IGDCC4: variants seen among roughly 807,000 people sequenced by gnomAD.
The protein encoded by IGDCC4 is likely ortholog of mouse neighbor of Punc E11.
In IGDCC4, 72 loss-of-function variants were observed where a neutral mutation model predicts 116.6. That is an observed-to-expected ratio of 0.62 (90% CI 0.51 to 0.75). The LOEUF (loss-of-function observed/expected upper bound fraction) is 0.75. IGDCC4 is among the 30% of genes least tolerant of loss of function. IGDCC4 has a pLI of 0.00. For missense variants in IGDCC4, 1,501 were observed against 1,662.4 expected (o/e 0.90, Z 1.69); for synonymous variants, 709 against 719.9 (o/e 0.98, Z 0.24).
chr15:65,394,621 C>T, intron 8 of IGDCC4, 73 bp from the exon 9 acceptor site: 1 of 1,453,618 alleles, frequency 6.9e-7, no homozygotes, highest in Non-Finnish European at 9.3e-7. Flanking sequence ...CGGTCAGAGA[C>T]TTGCCTGGGT....
Position 65,394,447 on chromosome 15 carries a change from C to A in IGDCC4, c.1678G>T (p.Val560Leu). The A allele has an allele frequency of 6.2e-7, 1 of 1,614,102 alleles. No homozygotes were observed. The highest frequency in any genetic ancestry group is 8.5e-7 in the Non-Finnish European group (1 of 1,180,004). The change falls in exon 9 of 20, where the codon GTG (valine) becomes TTG (leucine). Residue 560 changes from valine (V) to leucine (L), a missense_variant. This residue lies in a region of IGDCC4 where 898 missense variants were observed against 978.9 expected (regional missense o/e 0.92). Transcript: ENST00000352385. ...AAACCGTATTCTATCTTGTACTTCACCACCTGCCCATTGCTCAGGCTGGGG... is the reference window on the plus strand; with the variant it reads ...AAACCGTATTCTATCTTGTACTTCAACACCTGCCCATTGCTCAGGCTGGGG... ...LPPSLSNGQV[V>L]KYKIEYGLGK... is the part of the protein sequence containing the mutation.
rs1354092246 is a variant in IGDCC4, at chr15:65,410,273, C to G, written c.468G>C (p.Glu156Asp). Reference sequence around the variant, plus strand: ...GGCACTCAAAGCGAGCTGTCCCGTTCTCCTCCACCGTCTGAGACTCCGGGT... The same window carrying G: ...GGCACTCAAAGCGAGCTGTCCCGTTGTCCTCCACCGTCTGAGACTCCGGGT... ...SLHPESQTVE[E>D]NGTARFECHI... Residue 156 changes from glutamate (E) to aspartate (D), a missense_variant, in exon 3 of 20, where the codon GAG becomes GAC. Coordinates refer to ENST00000352385, the MANE Select transcript of IGDCC4 (RefSeq NM_020962.3). 2 of 1,614,076 alleles carry G rather than the reference C, an allele frequency of 1.2e-6. No homozygotes were observed. The highest frequency in any genetic ancestry group is 2.2e-5 in the South Asian group (2 of 91,076).
At chr15:65,398,533 C>CAAAAAAAAAAAAAAAA (rs3082803) in intron 5 of IGDCC4, among the ~76,000 whole-genome samples, 2 of 77,630 alleles carry the variant, frequency 2.6e-5, no homozygotes, top group Non-Finnish European at 5.1e-5. Context: ...AACTCCATCT[C>CAAAAAAAAAAAAAAAA]AAAAAAAAAA....
In IGDCC4 at chr15:65,392,168, C is replaced by T; in HGVS notation, c.2088G>A (p.Lys696=). Residue 696 remains lysine, a synonymous_variant, in exon 11 of 20, where the codon AAG becomes AAA. Coordinates refer to ENST00000352385, the MANE Select transcript of IGDCC4 (RefSeq NM_020962.3). ...QAWDVGPVRL[K]KKVKQYELTQ... ...TCAGCTCATACTGCTTCACTTTCTT[C>T]TTGAGCCGGACAGGCCCCACATCCC... 6.2e-7 allele frequency: 1 copy of T among 1,613,246 alleles called. No individual in the cohort carries two copies. The highest frequency in any genetic ancestry group is 8.5e-7 in the Non-Finnish European group (1 of 1,179,652).
chr15:65,390,788 CTATATT>C, intron 12 of IGDCC4, among the ~76,000 whole-genome samples: 1 of 152,168 alleles, frequency 6.6e-6, no homozygotes, highest in South Asian at 2.1e-4. Context: ...ATAATAAACA[CTATATT>C]TATAAGTGTT....
chr15:65,384,983 G>A lies in IGDCC4; in HGVS notation c.3313C>T (p.Leu1105=). 1 of 1,611,724 alleles carries A rather than the reference G, an allele frequency of 6.2e-7. No individual in the cohort carries two copies. The highest frequency in any genetic ancestry group is 8.5e-7 in the Non-Finnish European group (1 of 1,178,896). ...ATGGCGTCGTACACCAGAGCCTGCAGCAACAGCGTCTGCCCAGTTCCAGCA... is the reference window on the plus strand; with the variant it reads ...ATGGCGTCGTACACCAGAGCCTGCAACAACAGCGTCTGCCCAGTTCCAGCA... ...PPAGTGQTLL[L]QALVYDAIKG... Residue 1105 remains leucine (L), a synonymous_variant, in exon 19 of 20, where the codon CTG becomes TTG. Coordinates refer to ENST00000352385, the MANE Select transcript of IGDCC4 (RefSeq NM_020962.3). This position sits in a 1 kb window ranked among gnomAD's most constrained non-coding sequence, Gnocchi z 4.9.
intron 3 of IGDCC4, among the ~76,000 whole-genome samples, chr15:65,403,920 T>C (rs2063016103): frequency 6.6e-6 from 1 of 151,926 alleles, no homozygotes; most frequent in African/African-American, 2.4e-5. Context: ...AGGGGGTGAA[T>C]GGGTCCCTCG....
rs1040648623 is a variant in IGDCC4 at position 65,419,786 on chromosome 15, C to A, written c.70+3007G>T. Among the ~76,000 whole-genome samples, 4 of 152,192 alleles carry A rather than the reference C, an allele frequency of 2.6e-5. No individual in the cohort carries two copies. The East Asian group carries it at 7.7e-4, about 29-fold the overall frequency. ...AAGAAGGGAGAGCCGAGAGCCCCAC[C>A]TTTGTGCGTGTGATAAGAACAGAGC... On this transcript the variant is annotated intron_variant, in intron 1 of 19. Coordinates refer to ENST00000352385, the MANE Select transcript of IGDCC4 (RefSeq NM_020962.3).
At chr15:65,392,058 C>CT in intron 11 of IGDCC4, 76 bp downstream of exon 11, 2 of 1,547,870 alleles carry the variant, frequency 1.3e-6, no homozygotes, top group Non-Finnish European at 1.8e-6. Flanking sequence ...CATCCCATCT[C>CT]TAACTTCTTC....
Position 65,382,127 on chromosome 15 carries a change from G to A in IGDCC4, c.*1882C>T, listed in dbSNP as rs928684038. ...AAAAATCAAACCAGCAAAATAAAAT[G>A]AGGCTTTTGACCTTCAGAGCAATGA... is the stretch of plus-strand genomic sequence containing the variant. On this transcript the variant is annotated 3_prime_UTR_variant, in exon 20 of 20. Transcript: ENST00000352385. 4.0e-5 allele frequency: 6 copies of A among 151,836 alleles called. No homozygotes were observed. The highest frequency in any genetic ancestry group is 1.5e-4 in the African/African-American group (6 of 41,198). The allele number at this position is 151,836 out of a possible 1,614,324, so 9.4% of individuals were successfully genotyped here.
chr15:65,422,705 G>C, intron 1 of IGDCC4, 88 bp downstream of exon 1: 2 of 1,098,446 alleles, frequency 1.8e-6, no homozygotes, highest in South Asian at 4.8e-5. Context: ...ACTCCGGCTT[G>C]AGCCAGCCCC....
chr15:65,421,350 A>C (rs2063188149), intron 1 of IGDCC4, among the ~76,000 whole-genome samples: 1 of 152,116 alleles, frequency 6.6e-6, no homozygotes, highest in Non-Finnish European at 1.5e-5. Flanking sequence ...TAATCCCCTG[A>C]GCTCTGGGAA....
At chr15:65,402,195 C>A (rs2062993695) in intron 4 of IGDCC4, among the ~76,000 whole-genome samples, 156 bp downstream of exon 4, 1 of 152,186 alleles carries the variant, frequency 6.6e-6, no homozygotes, top group Admixed American at 6.5e-5. Flanking sequence ...TGCTGGGTGG[C>A]AGTACCCTCT....
chr15:65,405,926 A>G (rs2140225512), intron 3 of IGDCC4, among the ~76,000 whole-genome samples: 1 of 152,356 alleles, frequency 6.6e-6, no homozygotes, highest in Non-Finnish European at 1.5e-5. Context: ...AGAACACAGA[A>G]GAAATGACGC....
chr15:65,396,306 A>G, intron 6 of IGDCC4, 143 bp from the exon 7 acceptor site: 1 of 872,286 alleles, frequency 1.1e-6, no homozygotes, highest in South Asian at 1.4e-5. Context: ...CACCCTTTCC[A>G]AACTACTCCG....
intron 1 of IGDCC4, among the ~76,000 whole-genome samples, chr15:65,419,053 C>T (rs2063167927): frequency 6.6e-6 from 1 of 151,972 alleles, no homozygotes; most frequent in Admixed American, 6.6e-5. Flanking sequence ...TTCTTCTTTT[C>T]TTTCTCTTTC....
chr15:65,413,796 G>C (rs1002815900), intron 1 of IGDCC4, among the ~76,000 whole-genome samples: 2 of 152,192 alleles, frequency 1.3e-5, no homozygotes, highest in African/African-American at 4.8e-5. Flanking sequence ...GCCACGTGGG[G>C]ACGTGCACAA....
At chr15:65,419,452 G>A (rs1009170149) in intron 1 of IGDCC4, among the ~76,000 whole-genome samples, 1 of 152,178 alleles carries the variant, frequency 6.6e-6, no homozygotes, top group East Asian at 1.9e-4. Context: ...TAGGAGAAAA[G>A]AAATGCTAAT....
rs776835507 is a variant in IGDCC4 at position 65,396,950 on chromosome 15, C to T, written c.881G>A (p.Arg294His). The T allele has an allele frequency of 1.3e-6, 2 of 1,577,338 alleles. No individual in the cohort carries two copies. Among genetic ancestry groups the T allele is most frequent in the East Asian group, 2.3e-5 (1 of 43,256 alleles). ...PISTDVIVLG[R>H]TNLLIANAQP... Reference sequence around the variant, plus strand: ...CGCGTTGGCAATTAGTAGGTTGGTGCGGCCCAGGACGATGACATCTGTGGA... The same window carrying T: ...CGCGTTGGCAATTAGTAGGTTGGTGTGGCCCAGGACGATGACATCTGTGGA... Residue 294 changes from arginine (R) to histidine (H), a missense_variant, in exon 6 of 20, where the codon CGC becomes CAC. Around this residue, in one of 3 missense-constraint regions of IGDCC4, gnomAD observed 898 missense variants for 978.9 expected, o/e 0.92. Transcript: ENST00000352385.
Sources: allele counts gnomAD v4.1 joint callset (sites outside exome capture counted in the v4.1 genomes callset), GRCh38; gene constraint gnomAD v4.1.1; regional missense constraint gnomAD v4.1.1; non-coding constraint Gnocchi (gnomAD v3.1); transcripts MANE v1.5; gene names NCBI Gene and HGNC (gene_info 2026-07-23, HGNC 2026-07-21).